Variants in ENPP7 observed in about 807,000 individuals in gnomAD.
The protein encoded by ENPP7 is ectonucleotide pyrophosphatase/phosphodiesterase 7, also known as ectonucleotide pyrophosphatase/phosphodiesterase family member 7.
ENPP7 carries 39 observed loss-of-function variants against 33.6 expected under a neutral mutation model. The ratio of observed to expected loss-of-function variants is 1.16; its 90% CI spans 0.90 to 1.52. The LOEUF is 1.52. Ranked by LOEUF, ENPP7 falls within the 40% of genes most tolerant of loss-of-function variation. The pLI is 0.00. For synonymous variants in ENPP7, 244 were observed against 274.3 expected (o/e 0.89, Z 1.09); for missense variants, 594 against 641.0 (o/e 0.93, Z 0.79).
intron 2 of ENPP7, among the ~76,000 whole-genome samples, chr17:79,734,539 G>A (rs142857613): frequency 5.8e-4 from 88 of 150,860 alleles, no homozygotes; most frequent in African/African-American, 1.6e-3. Flanking sequence ...GTGCAGTGGC[G>A]CCATCTCCGC....
intron 3 of ENPP7, among the ~76,000 whole-genome samples, chr17:79,736,062 CCTGA>C (rs1451067595): frequency 1.1e-4 from 16 of 152,304 alleles, no homozygotes; most frequent in African/African-American, 3.4e-4. Context: ...TGCCACCATG[CCTGA>C]CTAATTTTTT....
chr17:79,741,009 G>A (rs1905485966), intron 5 of ENPP7, among the ~76,000 whole-genome samples: 1 of 151,840 alleles, frequency 6.6e-6, no homozygotes. Context: ...TTTTTACACA[G>A]ATTCTCACTG....
Position 79,738,262 on chromosome 17 carries a change from G to C in ENPP7, c.*16+200G>C, listed in dbSNP as rs2094299639. The stretch of plus-strand genomic sequence containing the variant: ...CTGACCCTTCCAGCCTCTCTGCTCT[G>C]GGCTTGGAGGAGGTCTTTCCAGAGC... On this transcript the variant is annotated intron_variant, in intron 5 of 5. Transcript: ENST00000328313. The surrounding 1 kb of genome is among the most constrained non-coding windows in gnomAD (Gnocchi z 6.2). 1 of 574,294 alleles carries C rather than the reference G, an allele frequency of 1.7e-6. No homozygotes were observed. The highest frequency in any genetic ancestry group is 3.0e-5 in the Admixed American group (1 of 33,012). The allele number at this position is 574,294 out of a possible 1,614,324, so 35.6% of individuals were successfully genotyped here.
At chr17:79,740,062 G>A (rs2094302664) in intron 5 of ENPP7, among the ~76,000 whole-genome samples, 1 of 152,156 alleles carries the variant, frequency 6.6e-6, no homozygotes, top group Admixed American at 6.5e-5. Flanking sequence ...GGGCATGGTG[G>A]TGCGTGCCTG....
rs782023664 is a variant in ENPP7 at position 79,737,091 on chromosome 17, C to T, written c.1077C>T (p.Asp359=). The T allele has an allele frequency of 2.5e-6, 4 of 1,614,182 alleles. No individual in the cohort carries two copies. In the Admixed American group the frequency reaches 6.7e-5, roughly 27 times the overall value. Residue 359 remains aspartate (D), a synonymous_variant, in exon 4 of 6, where the codon GAC becomes GAT. Transcript: ENST00000328313. The surrounding 1 kb of genome is among the most constrained non-coding windows in gnomAD (Gnocchi z 5.5). ...GGGAGCACGGCTTTGACAACAAGGA[C>T]ATGGACATGAAGACCATCTTCCGCG... ...NNGEHGFDNK[D]MDMKTIFRAV...
In ENPP7 at chr17:79,737,371, C is replaced by A. The variant is rs1555823852; in HGVS notation, c.1246+111C>A. ...ACCCTTGAGCCCCAAGTGGGGCCAC[C>A]TCCCCTGGCTTTGGAGAACACCAGA... On this transcript the variant is annotated intron_variant, in intron 4 of 5. Coordinates refer to ENST00000328313, the MANE Select transcript of ENPP7 (RefSeq NM_178543.5). This position sits in a 1 kb window ranked among gnomAD's most constrained non-coding sequence, Gnocchi z 5.5. 1 of 836,566 alleles carries A rather than the reference C, an allele frequency of 1.2e-6. No homozygotes were observed. Among genetic ancestry groups the A allele is most frequent in the East Asian group, 2.7e-5 (1 of 37,438 alleles). The allele number at this position is 836,566 out of a possible 1,614,324, so 51.8% of individuals were successfully genotyped here. A position where few individuals can be genotyped will look rare whatever the true frequency, so the allele number is the denominator to read the frequency against.
chr17:79,731,157 C>G lies in ENPP7; in HGVS notation c.18C>G (p.Val6=). Residue 6 remains valine (V), a synonymous_variant, in exon 1 of 6, where the codon GTC becomes GTG. Transcript: ENST00000328313. MRGPA[V]LLTVALATLL... is the part of the protein sequence containing the mutation. ...GGCCCAGCATGAGAGGCCCGGCCGT[C>G]CTCCTCACTGTGGCTCTGGCCACGC... 1.2e-6 allele frequency: 2 copies of G among 1,609,682 alleles called. No individual in the cohort carries two copies.
chr17:79,733,631 T>C lies in ENPP7; in HGVS notation c.377T>C (p.Ile126Thr). ...TGGTGGGACAACGGCAGCGTGCCCA[T>C]CTGGATCACAGCCCAGAGGCAGGTA... Reference protein sequence around the residue: ...QRWWDNGSVPIWITAQRQGLR... With the variant: ...QRWWDNGSVPTWITAQRQGLR... The change falls in exon 2 of 6, where the codon ATC (isoleucine) becomes ACC (threonine). Residue 126 changes from isoleucine to threonine, a missense_variant. Physicochemically the swap from Ile to Thr is moderately conservative, Grantham distance 89. This residue lies in a region of ENPP7 where 504 missense variants were observed against 512.8 expected (regional missense o/e 0.98). Transcript: ENST00000328313. 2 of 1,612,496 alleles carry C rather than the reference T, an allele frequency of 1.2e-6. No homozygotes were observed. Among genetic ancestry groups the C allele is most frequent in the Non-Finnish European group, 1.7e-6 (2 of 1,179,862 alleles).
Position 79,738,136 on chromosome 17 carries a change from C to CAG in ENPP7, c.*16+75_*16+76dup. 6.8e-7 allele frequency: 1 copy of CAG among 1,481,208 alleles called. No individual in the cohort carries two copies. Among genetic ancestry groups the CAG allele is most frequent in the Non-Finnish European group, 9.2e-7 (1 of 1,084,584 alleles). 91.8% of individuals were successfully genotyped at this position (1,481,208 alleles called of 1,614,324 possible). A position where few individuals can be genotyped will look rare whatever the true frequency, so the allele number is the denominator to read the frequency against. On this transcript the variant is annotated intron_variant, in intron 5 of 5. Coordinates refer to ENST00000328313, the MANE Select transcript of ENPP7 (RefSeq NM_178543.5). The surrounding 1 kb of genome is among the most constrained non-coding windows in gnomAD (Gnocchi z 6.2). ...ACCCTCCACCCTGATGTCCCAGCTA[C>CAG]AGTCCTAGGCAACCAGAACAGAGCT...
chr17:79,731,401 T>C lies in ENPP7; in HGVS notation c.253+9T>C. ...CTTCACCCTGGTCACCGGTGAGTAC[T>C]GCCCTGTGACGGGGCCTGGGGGTGG... On this transcript the variant is annotated intron_variant, in intron 1 of 5. Transcript: ENST00000328313. 1 of 1,603,678 alleles carries C rather than the reference T, an allele frequency of 6.2e-7. No individual in the cohort carries two copies. Among genetic ancestry groups the C allele is most frequent in the Non-Finnish European group, 8.5e-7 (1 of 1,173,186 alleles).
Position 79,735,773 on chromosome 17 carries a change from G to A in ENPP7, c.1026+104G>A, listed in dbSNP as rs912851853. The A allele has an allele frequency of 2.8e-6, 3 of 1,058,060 alleles. No individual in the cohort carries two copies. In the Admixed American group the frequency reaches 7.5e-5, roughly 26 times the overall value. The allele number at this position is 1,058,060 out of a possible 1,614,324, so 65.5% of individuals were successfully genotyped here. On this transcript the variant is annotated intron_variant, in intron 3 of 5. Coordinates refer to ENST00000328313, the MANE Select transcript of ENPP7 (RefSeq NM_178543.5). This position sits in a 1 kb window ranked among gnomAD's most constrained non-coding sequence, Gnocchi z 5.5. ...AGGGTCTTGCTCTGTTGCCCAGGCTGGAGTGCAATGGCAGGATCTCAGCTC... is the reference window on the plus strand; with the variant it reads ...AGGGTCTTGCTCTGTTGCCCAGGCTAGAGTGCAATGGCAGGATCTCAGCTC...
Position 79,737,108 on chromosome 17 carries a change from T to C in ENPP7, c.1094T>C (p.Ile365Thr). The change falls in exon 4 of 6, where the codon ATC becomes ACC. Residue 365 changes from isoleucine to threonine, a missense_variant. By Grantham distance (89) the Ile-to-Thr change is moderately conservative. Coordinates refer to ENST00000328313, the MANE Select transcript of ENPP7 (RefSeq NM_178543.5). This position sits in a 1 kb window ranked among gnomAD's most constrained non-coding sequence, Gnocchi z 5.5. ...AACAAGGACATGGACATGAAGACCATCTTCCGCGCTGTGGGCCCTAGCTTC... is the reference window on the plus strand; with the variant it reads ...AACAAGGACATGGACATGAAGACCACCTTCCGCGCTGTGGGCCCTAGCTTC... ...FDNKDMDMKT[I>T]FRAVGPSFRA... The C allele has an allele frequency of 1.2e-6, 2 of 1,614,166 alleles. No homozygotes were observed. Among genetic ancestry groups the C allele is most frequent in the Non-Finnish European group, 1.7e-6 (2 of 1,180,028 alleles).
At chr17:79,734,141 C>T (rs1269348750) in intron 2 of ENPP7, among the ~76,000 whole-genome samples, 2 of 124,356 alleles carry the variant, frequency 1.6e-5, no homozygotes, top group Admixed American at 8.3e-5. Flanking sequence ...GACCCAGGAA[C>T]CCCCCCACCC....
At chr17:79,732,121 C>CATATATACACATATATATATATATATAT (rs2094286802) in intron 1 of ENPP7, among the ~76,000 whole-genome samples, 3 of 48,782 alleles carry the variant, frequency 6.1e-5, no homozygotes. Flanking sequence ...TATATATATA[C>CATATATACACATATATATATATATATAT]ATATATATAT....
intron 1 of ENPP7, among the ~76,000 whole-genome samples, 187 bp downstream of exon 1, chr17:79,731,579 G>T (rs1177692420): frequency 2.6e-5 from 4 of 152,188 alleles, no homozygotes; most frequent in African/African-American, 9.6e-5. Context: ...GACCAGGGGG[G>T]TCCTTAAACC....
intron 2 of ENPP7, 106 bp from the exon 3 acceptor site, chr17:79,734,936 TG>T: frequency 8.6e-7 from 1 of 1,157,256 alleles, no homozygotes; most frequent in Non-Finnish European, 1.2e-6. Flanking sequence ...CAGGGATGGG[TG>T]GGTGGAACAG....
chr17:79,732,281 A>G (rs34491636), intron 1 of ENPP7, among the ~76,000 whole-genome samples: 36,931 of 150,580 alleles, frequency 0.25, 5,001 homozygotes, highest in African/African-American at 0.35. Flanking sequence ...TGTGTCAAAA[A>G]AACAAACAAT....
At chr17:79,731,693 A>G (rs565656881) in intron 1 of ENPP7, among the ~76,000 whole-genome samples, 1 of 148,788 alleles carries the variant, frequency 6.7e-6, no homozygotes, top group South Asian at 2.3e-4. Context: ...CCGCCCCTCC[A>G]GCTGGCTGTG....
At chr17:79,732,133 T>TAC (rs2094287211) in intron 1 of ENPP7, among the ~76,000 whole-genome samples, 3 of 18,704 alleles carry the variant, frequency 1.6e-4, no homozygotes, top group South Asian at 1.1e-3. Context: ...TATATATATG[T>TAC]ATATATATAT....
Sources: gnomAD v4.1 joint callset for allele counts (sites outside exome capture counted in the v4.1 genomes callset) on GRCh38, gnomAD v4.1.1 for gene constraint, gnomAD v4.1.1 regional missense constraint, Gnocchi (gnomAD v3.1) non-coding constraint, MANE v1.5 for transcripts, NCBI Gene and HGNC (gene_info 2026-07-23, HGNC 2026-07-21) for gene names.